Variants in DGLUCY observed in about 807,000 individuals in gnomAD.
The protein encoded by DGLUCY is D-glutamate cyclase, mitochondrial.
DGLUCY carries 58 observed loss-of-function variants against 58.5 expected under a neutral mutation model. That is an observed-to-expected ratio of 0.99 (90% CI 0.80 to 1.23). The LOEUF is 1.23. Ranked by LOEUF, DGLUCY falls within the 50% of genes most tolerant of loss-of-function variation. DGLUCY has a pLI of 0.00. For missense variants in DGLUCY, 779 were observed against 784.7 expected (o/e 0.99, Z 0.09); for synonymous variants, 325 against 314.1 (o/e 1.03, Z -0.37).
chr14:91,213,450 A>T (rs556335616), intron 12 of DGLUCY, among the ~76,000 whole-genome samples: 20 of 152,282 alleles, frequency 1.3e-4, no homozygotes, highest in Non-Finnish European at 2.2e-4. Context: ...AAAAAATAAT[A>T]ATTATTGATG....
intron 1 of DGLUCY, among the ~76,000 whole-genome samples, chr14:91,072,574 T>C (rs1041520022): frequency 1.3e-5 from 2 of 151,992 alleles, no homozygotes; most frequent in African/African-American, 2.4e-5. Context: ...TCTATTGATC[T>C]TTTTGCTCTG....
At chr14:91,192,009 A>G (rs538310162) in intron 9 of DGLUCY, among the ~76,000 whole-genome samples, 1 of 152,292 alleles carries the variant, frequency 6.6e-6, no homozygotes, top group Admixed American at 6.5e-5. Flanking sequence ...TAGCAATTCC[A>G]CTTCCAGGCA....
At chr14:91,173,533 A>G in intron 6 of DGLUCY, 94 bp downstream of exon 6, 5 of 1,428,294 alleles carry the variant, frequency 3.5e-6, no homozygotes, top group South Asian at 1.5e-5. Context: ...CCCTGTTCAC[A>G]TCGGCGACCC....
intron 6 of DGLUCY, among the ~76,000 whole-genome samples, chr14:91,174,470 T>C (rs551996646): frequency 1.3e-5 from 2 of 152,188 alleles, no homozygotes; most frequent in East Asian, 3.9e-4. Flanking sequence ...CATGCCCAGC[T>C]AATTTTTGTA....
intron 9 of DGLUCY, among the ~76,000 whole-genome samples, chr14:91,194,817 G>A (rs1372908256): frequency 6.6e-6 from 1 of 152,106 alleles, no homozygotes; most frequent in African/African-American, 2.4e-5. Flanking sequence ...GAGATTACAG[G>A]TGTGAGCTAC....
upstream of DGLUCY, among the ~76,000 whole-genome samples, chr14:91,103,918 G>A (rs562448927): frequency 7.9e-5 from 12 of 151,490 alleles, 1 homozygote; most frequent in South Asian, 1.0e-3. Context: ...GCATGTCTGT[G>A]GAAGCTTTCT....
At chr14:91,167,187 G>T (rs749125590) in intron 3 of DGLUCY, 38 bp from the exon 4 acceptor site, 2 of 1,540,032 alleles carry the variant, frequency 1.3e-6, no homozygotes, top group Non-Finnish European at 1.7e-6. Flanking sequence ...CCAAGAAACC[G>T]CTGACTATAC....
intron 10 of DGLUCY, among the ~76,000 whole-genome samples, chr14:91,197,731 C>T (rs2050304618): frequency 6.6e-6 from 1 of 152,220 alleles, no homozygotes; most frequent in South Asian, 2.1e-4. Flanking sequence ...AATGTCCTGC[C>T]TTTTTAAGGC....
At chr14:91,084,560 G>A (rs1280495531) in intron 1 of DGLUCY, among the ~76,000 whole-genome samples, 2 of 151,988 alleles carry the variant, frequency 1.3e-5, no homozygotes, top group African/African-American at 4.8e-5. Context: ...TAGCACTAAC[G>A]TTCAAGCCCT....
At chr14:91,121,263 A>G (rs1219324153) in intron 1 of DGLUCY, among the ~76,000 whole-genome samples, 1 of 152,192 alleles carries the variant, frequency 6.6e-6, no homozygotes, top group Non-Finnish European at 1.5e-5. Flanking sequence ...GTGCTCTGTA[A>G]ATGGCAAAAG....
chr14:91,196,479 G>T lies in DGLUCY; in HGVS notation c.1295+5G>T, dbSNP rs572137991. On this transcript the variant is annotated splice_donor_5th_base_variant and intron_variant, in intron 10 of 13. Coordinates refer to ENST00000256324, the MANE Select transcript of DGLUCY (RefSeq NM_001102368.3). ...TGGGGACCCGCAGACACCTAGGTAC[G>T]TATGTCGCATCCCAGTTTAAGTGGC... is the stretch of plus-strand genomic sequence containing the variant. The T allele has an allele frequency of 3.1e-6, 5 of 1,611,860 alleles. No homozygotes were observed. The South Asian group carries it at 4.4e-5, about 14-fold the overall frequency.
upstream of DGLUCY, among the ~76,000 whole-genome samples, chr14:91,107,132 A>C (rs1334402119): frequency 1.3e-5 from 2 of 152,204 alleles, no homozygotes; most frequent in Non-Finnish European, 2.9e-5. Context: ...AGCGAGCTAA[A>C]ACATTTCATT....
intron 4 of DGLUCY, chr14:91,167,611 T>TACAGCCCTGGAGAAATC (rs2048355760): frequency 1.4e-6 from 1 of 719,412 alleles, no homozygotes; most frequent in Non-Finnish European, 2.5e-6. Flanking sequence ...ATGGAGAAAG[T>TACAGCCCTGGAGAAATC]CCAGCCCTGG....
chr14:91,119,125 A>G lies in DGLUCY; in HGVS notation c.-82+4842A>G, dbSNP rs1348578783. Among the ~76,000 whole-genome samples the G allele has an allele frequency of 2.6e-5, 4 of 152,128 alleles. No individual in the cohort carries two copies. The South Asian group carries it at 6.2e-4, about 24-fold the overall frequency. ...GTAGAAGATTTTTCCTCTTTCACAT[A>G]ATAGCTAAGAGGTAAATGGTCAGTC... On this transcript the variant is annotated intron_variant, in intron 1 of 13. Coordinates refer to ENST00000256324, the MANE Select transcript of DGLUCY (RefSeq NM_001102368.3).
chr14:91,087,109 T>C (rs2044234776), intron 1 of DGLUCY, among the ~76,000 whole-genome samples: 1 of 152,150 alleles, frequency 6.6e-6, no homozygotes, highest in African/African-American at 2.4e-5. Context: ...TGCCACAAGA[T>C]TGATGTCAGC....
chr14:91,077,741 ACT>A (rs995151897), intron 1 of DGLUCY, among the ~76,000 whole-genome samples: 25 of 145,666 alleles, frequency 1.7e-4, no homozygotes, highest in African/African-American at 6.1e-4. Flanking sequence ...ACAGAGCGAG[ACT>A]CTGTCTCAAA....
Position 91,074,832 on chromosome 14 carries a change from G to A in DGLUCY, c.-82+14128G>A, listed in dbSNP as rs548363414. Among the ~76,000 whole-genome samples, 58 of 152,226 alleles carry A rather than the reference G, an allele frequency of 3.8e-4. 2 individuals are homozygous for A. In the South Asian group the frequency reaches 0.012, roughly 30 times the overall value. Reference sequence around the variant, plus strand: ...TCATGCCTGTAATCCCAGCACTTTGGGAGGCTGAGGCTGGCAGATCACCTG... The same window carrying A: ...TCATGCCTGTAATCCCAGCACTTTGAGAGGCTGAGGCTGGCAGATCACCTG... On this transcript the variant is annotated intron_variant, in intron 1 of 4. Transcript: ENST00000521334.
At chr14:91,081,560 T>C (rs1595619245) in intron 1 of DGLUCY, among the ~76,000 whole-genome samples, 1 of 152,144 alleles carries the variant, frequency 6.6e-6, no homozygotes, top group East Asian at 1.9e-4. Flanking sequence ...AAATGGGTCT[T>C]ATGGGCTAAG....
intron 1 of DGLUCY, among the ~76,000 whole-genome samples, chr14:91,096,757 C>T (rs990159287): frequency 3.3e-5 from 5 of 152,128 alleles, no homozygotes; most frequent in African/African-American, 7.2e-5. Flanking sequence ...TGAGGCTGAC[C>T]ACTCAGCTCA....
Sources: allele counts gnomAD v4.1 joint callset (sites outside exome capture counted in the v4.1 genomes callset), GRCh38; gene constraint gnomAD v4.1.1; transcripts MANE v1.5; gene names NCBI Gene and HGNC (gene_info 2026-07-23, HGNC 2026-07-21).